ERCC6L2: variants seen among roughly 807,000 people sequenced by gnomAD.
The protein encoded by ERCC6L2 is ERCC excision repair 6 like 2.
ERCC6L2 carries 77 observed loss-of-function variants against 132.0 expected under a neutral mutation model. That is an observed-to-expected ratio of 0.58 (90% CI 0.49 to 0.71). ERCC6L2 has a LOEUF of 0.71. ERCC6L2 is among the 30% of genes least tolerant of loss of function. The pLI is 0.00. For missense variants in ERCC6L2, 1,542 were observed against 1,837.6 expected, an observed-to-expected ratio of 0.84 and a Z score of 2.94; for synonymous variants, 583 against 632.4, an observed-to-expected ratio of 0.92 and a Z score of 1.17.
intron 3 of ERCC6L2, among the ~76,000 whole-genome samples, chr9:95,903,312 C>T (rs920950346): frequency 3.3e-5 from 5 of 151,996 alleles, no homozygotes; most frequent in Non-Finnish European, 7.4e-5. Context: ...ATTATTTGTT[C>T]ATTTCTCTTC....
intron 17 of ERCC6L2, among the ~76,000 whole-genome samples, chr9:95,986,204 T>C (rs903574330): frequency 6.6e-6 from 1 of 152,214 alleles, no homozygotes. Context: ...ACAACATGCT[T>C]TTGAGTGCAG....
At chr9:95,898,981 A>G (rs1007033265) in intron 3 of ERCC6L2, among the ~76,000 whole-genome samples, 5 of 152,202 alleles carry the variant, frequency 3.3e-5, no homozygotes, top group Admixed American at 6.5e-5. Context: ...TAAGTATTCA[A>G]TAGCTCAAGT....
chr9:95,967,013 G>A (rs536046769), intron 14 of ERCC6L2: 51 of 207,854 alleles, frequency 2.5e-4, no homozygotes, highest in African/African-American at 1.1e-3. Flanking sequence ...AACAGCTGCT[G>A]AAGTCAGGAA....
intron 2 of ERCC6L2, among the ~76,000 whole-genome samples, chr9:95,895,110 T>C (rs562529174): frequency 1.3e-5 from 2 of 152,194 alleles, no homozygotes; most frequent in Non-Finnish European, 2.9e-5. Flanking sequence ...TTTCAATAAA[T>C]TTTTCTTTAT....
At chr9:95,987,606 G>GTA (rs1421746771) in intron 17 of ERCC6L2, among the ~76,000 whole-genome samples, 1 of 152,144 alleles carries the variant, frequency 6.6e-6, no homozygotes, top group Non-Finnish European at 1.5e-5. Flanking sequence ...GCTTTGCAGG[G>GTA]TACAGCCTCT....
chr9:95,947,282 T>G (rs1323628716), intron 12 of ERCC6L2, among the ~76,000 whole-genome samples: 4 of 152,192 alleles, frequency 2.6e-5, no homozygotes, highest in Non-Finnish European at 5.9e-5. Context: ...GTTTTAGTGG[T>G]CTGGATCAAA....
At chr9:96,034,440 T>C (rs1404425839) in intron 19 of ERCC6L2, among the ~76,000 whole-genome samples, 1 of 152,218 alleles carries the variant, frequency 6.6e-6, no homozygotes, top group Non-Finnish European at 1.5e-5. Flanking sequence ...TCAGAGTGCC[T>C]GAACTCTTGC....
chr9:95,939,115 C>T (rs1830684853), intron 11 of ERCC6L2, among the ~76,000 whole-genome samples: 2 of 152,112 alleles, frequency 1.3e-5, no homozygotes, highest in African/African-American at 4.8e-5. Flanking sequence ...TTAGATATTT[C>T]CTCTACATGC....
chr9:96,003,092 C>T (rs928530978), intron 17 of ERCC6L2, among the ~76,000 whole-genome samples: 7 of 152,172 alleles, frequency 4.6e-5, no homozygotes, highest in Non-Finnish European at 8.8e-5. Context: ...AAGTGAGACT[C>T]TGCTATGTGT....
In ERCC6L2 at chr9:95,921,978, A is replaced by G. The variant is rs796954042; in HGVS notation, c.1300-327A>G. On this transcript the variant is annotated intron_variant, in intron 7 of 18. Coordinates refer to ENST00000653738, the MANE Select transcript of ERCC6L2 (RefSeq NM_020207.7). ...GGAGCATAAATGAGAAGGGGTCTGC[A>G]TAGCACTGCCACTGCACTTAGATTT... 2.6e-5 allele frequency among the ~76,000 whole-genome samples: 4 copies of G among 152,318 alleles called. No individual in the cohort carries two copies. In the South Asian group the frequency reaches 8.3e-4, roughly 32 times the overall value.
intron 3 of ERCC6L2, among the ~76,000 whole-genome samples, chr9:95,904,529 T>G (rs892778588): frequency 1.2e-4 from 19 of 152,170 alleles, no homozygotes; most frequent in African/African-American, 4.6e-4. Flanking sequence ...ATACTTACTT[T>G]GCTACTTAAT....
intron 17 of ERCC6L2, among the ~76,000 whole-genome samples, chr9:96,003,682 A>T (rs1186596402): frequency 1.3e-5 from 2 of 151,884 alleles, no homozygotes; most frequent in African/African-American, 2.4e-5. Flanking sequence ...TTAAGGTCCT[A>T]CCCTACTAGG....
intron 2 of ERCC6L2, among the ~76,000 whole-genome samples, chr9:95,887,342 C>T (rs188379492): frequency 6.6e-6 from 1 of 152,250 alleles, no homozygotes; most frequent in Admixed American, 6.5e-5. Flanking sequence ...GAAGGCATAG[C>T]TCTAATATAG....
chr9:95,965,283 C>G (rs1832101137), intron 13 of ERCC6L2, among the ~76,000 whole-genome samples: 1 of 152,044 alleles, frequency 6.6e-6, no homozygotes, highest in Admixed American at 6.6e-5. Flanking sequence ...CACTTAATTT[C>G]TCTAAACTTG....
intron 3 of ERCC6L2, among the ~76,000 whole-genome samples, chr9:95,899,600 A>ATATG (rs746946004): frequency 2.8e-3 from 384 of 134,892 alleles, no homozygotes; most frequent in East Asian, 0.014. Context: ...TTATATATAT[A>ATATG]TGTGTGTGTG....
Position 95,881,128 on chromosome 9 carries a change from T to C in ERCC6L2, c.306T>C (p.Ser102=), listed in dbSNP as rs1827568104. The C allele has an allele frequency of 5.0e-6, 8 of 1,613,780 alleles. No homozygotes were observed. The highest frequency in any genetic ancestry group is 6.8e-6 in the Non-Finnish European group (8 of 1,179,902). ...TCCCAAACCGAAAATTTCCATCATC[T>C]TCTGTTGCTTTTAAATTATCTGACA... is the stretch of plus-strand genomic sequence containing the variant. The part of the protein sequence containing the change: ...PYFPNRKFPS[S]SVAFKLSDNG... Residue 102 remains serine (S), a synonymous_variant, in exon 2 of 19, where the codon TCT becomes TCC. Transcript: ENST00000653738.
chr9:95,992,787 C>T lies in ERCC6L2; in HGVS notation c.3493-11733C>T, dbSNP rs547211594. 7.9e-5 allele frequency among the ~76,000 whole-genome samples: 12 copies of T among 152,256 alleles called. 1 individual carries two copies. Among genetic ancestry groups the T allele is most frequent in the Admixed American group, 6.5e-4 (10 of 15,298 alleles). On this transcript the variant is annotated intron_variant, in intron 17 of 18. Transcript: ENST00000653738. ...GGAGCCTAAGCTAGCCACTGGAAAA[C>T]ACAGGCAGCAGTGGGTGCCTGCCAA... is the stretch of plus-strand genomic sequence containing the variant.
downstream of ERCC6L2, among the ~76,000 whole-genome samples, chr9:96,022,694 G>A (rs1180078599): frequency 6.6e-6 from 1 of 152,180 alleles, no homozygotes; most frequent in African/African-American, 2.4e-5. Flanking sequence ...CAGGCAGTGG[G>A]GCACAGGTTC....
intron 3 of ERCC6L2, among the ~76,000 whole-genome samples, chr9:95,900,376 G>C (rs1232106237): frequency 6.6e-6 from 1 of 150,614 alleles, no homozygotes; most frequent in Non-Finnish European, 1.5e-5. Context: ...CAACAGAGAA[G>C]ACCCTGTCTC....
Sources: allele counts gnomAD v4.1 joint callset (sites outside exome capture counted in the v4.1 genomes callset), GRCh38; gene constraint gnomAD v4.1.1; transcripts MANE v1.5; gene names NCBI Gene and HGNC (gene_info 2026-07-23, HGNC 2026-07-21).